Variants in SMYD3 observed in about 807,000 individuals in gnomAD.
The protein encoded by SMYD3 is SET and MYND domain containing 3.
SMYD3 carries 36 observed loss-of-function variants against 57.7 expected under a neutral mutation model. The observed-to-expected ratio is 0.62, with a 90% confidence interval of 0.48 to 0.82. The LOEUF is 0.82. SMYD3 is among the 40% of genes least tolerant of loss of function. The pLI is 0.00. For synonymous variants in SMYD3, 211 were observed against 195.0 expected (o/e 1.08, Z -0.68); for missense variants, 515 against 538.8 (o/e 0.96, Z 0.44).
intron 10 of SMYD3, among the ~76,000 whole-genome samples, chr1:245,772,190 TGTGA>T (rs1192031656): frequency 6.6e-6 from 1 of 152,240 alleles, no homozygotes; most frequent in Non-Finnish European, 1.5e-5. Context: ...CCCATCTCTA[TGTGA>T]GTAACAGAAA....
chr1:245,850,806 C>T (rs1486220080), intron 10 of SMYD3, among the ~76,000 whole-genome samples: 1 of 152,214 alleles, frequency 6.6e-6, no homozygotes, highest in South Asian at 2.1e-4. Context: ...GGACTGCTGG[C>T]TTCTGGGAGA....
chr1:246,272,099 T>A lies in SMYD3; in HGVS notation c.531+55102A>T, dbSNP rs1242070007. Among the ~76,000 whole-genome samples the A allele has an allele frequency of 2.0e-5, 3 of 152,230 alleles. No homozygotes were observed. In the South Asian group the frequency reaches 6.2e-4, roughly 32 times the overall value. On this transcript the variant is annotated intron_variant, in intron 5 of 11. Coordinates refer to ENST00000490107, the MANE Select transcript of SMYD3 (RefSeq NM_001167740.2). ...AGATTGTTCACTGTTTGTTTGTGTA[T>A]AAAAATGCAACGGATTTTTGTGTAT...
chr1:246,265,693 C>T (rs1335445196), intron 5 of SMYD3, among the ~76,000 whole-genome samples: 1 of 148,052 alleles, frequency 6.8e-6, no homozygotes, highest in African/African-American at 2.5e-5. Context: ...TTGTGGGATC[C>T]AGTGACCATC....
At chr1:246,088,060 C>G (rs371418707) in intron 5 of SMYD3, among the ~76,000 whole-genome samples, 1 of 152,104 alleles carries the variant, frequency 6.6e-6, no homozygotes. Context: ...CTCTGTGAGC[C>G]CCTTTGACTC....
At chr1:245,863,710 A>G in intron 9 of SMYD3, 89 bp downstream of exon 9, 1 of 1,232,336 alleles carries the variant, frequency 8.1e-7, no homozygotes, top group Admixed American at 1.9e-5. Flanking sequence ...GAGAGGTCAA[A>G]CCCCGCCTCT....
chr1:245,995,413 C>T (rs2058907957), intron 5 of SMYD3, among the ~76,000 whole-genome samples: 2 of 152,314 alleles, frequency 1.3e-5, no homozygotes, highest in Admixed American at 1.3e-4. Context: ...AAATGGAGAA[C>T]AGTAACAAAT....
intron 8 of SMYD3, among the ~76,000 whole-genome samples, chr1:245,902,200 A>C (rs898949111): frequency 5.9e-5 from 9 of 152,310 alleles, no homozygotes; most frequent in African/African-American, 1.9e-4. Flanking sequence ...ACTCTAGCCC[A>C]CACTGTGTCC....
At position 245,946,875 on chromosome 1, in the gene SMYD3, A is replaced by C. The variant is rs913423342; in HGVS notation, c.532-16938T>G. ...TGTAAAAAACTCCCCATTTCTCTCT[A>C]ATTTTGACAAATTTTAGCCTTCCTC... is the stretch of plus-strand genomic sequence containing the variant. On this transcript the variant is annotated intron_variant, in intron 5 of 11. Transcript: ENST00000490107. Among the ~76,000 whole-genome samples, 4 of 152,164 alleles carry C rather than the reference A, an allele frequency of 2.6e-5. No homozygotes were observed. In the East Asian group the frequency reaches 7.7e-4, roughly 29 times the overall value.
At chr1:246,262,363 C>T (rs1205823774) in intron 5 of SMYD3, among the ~76,000 whole-genome samples, 4 of 152,148 alleles carry the variant, frequency 2.6e-5, no homozygotes, top group African/African-American at 4.8e-5. Context: ...ACTTATTTTT[C>T]GCACTATGAC....
At chr1:246,302,715 C>T (rs1033486407) in intron 5 of SMYD3, among the ~76,000 whole-genome samples, 2 of 152,128 alleles carry the variant, frequency 1.3e-5, no homozygotes, top group African/African-American at 2.4e-5. Flanking sequence ...GATGTGGAAA[C>T]TGACCCAATA....
chr1:245,956,509 A>T (rs947963411), intron 5 of SMYD3, among the ~76,000 whole-genome samples: 3 of 152,210 alleles, frequency 2.0e-5, no homozygotes, highest in Non-Finnish European at 2.9e-5. Context: ...CAGGCAGAGC[A>T]TTATTTTTTA....
intron 10 of SMYD3, among the ~76,000 whole-genome samples, chr1:245,801,705 T>C (rs929913761): frequency 7.4e-6 from 1 of 134,580 alleles, no homozygotes; most frequent in Admixed American, 8.1e-5. Flanking sequence ...ACACAAAGAA[T>C]AGCAGAATCA....
In SMYD3 at chr1:246,383,145, G is replaced by A. The variant is rs575426702; in HGVS notation, c.165-28051C>T. On this transcript the variant is annotated intron_variant, in intron 1 of 11. Transcript: ENST00000490107. ...AAGGCTAGCCTGCCCAAGAACTTGA[G>A]GTAGCCCTCCTTCCCTCAGGAGGCG... Among the ~76,000 whole-genome samples the A allele has an allele frequency of 3.9e-5, 6 of 152,354 alleles. 1 individual carries two copies. The highest frequency in any genetic ancestry group is 1.2e-4 in the African/African-American group (5 of 41,584).
chr1:245,794,689 T>C (rs367831371), intron 10 of SMYD3, among the ~76,000 whole-genome samples: 4 of 152,230 alleles, frequency 2.6e-5, no homozygotes, highest in Admixed American at 2.6e-4. Context: ...CAGCTGCTTT[T>C]GCATAATTTT....
chr1:245,883,579 T>C (rs2052912868), intron 8 of SMYD3, among the ~76,000 whole-genome samples: 1 of 152,194 alleles, frequency 6.6e-6, no homozygotes, highest in African/African-American at 2.4e-5. Context: ...TTCTTTCTTT[T>C]GGGGTCCCAA....
intron 5 of SMYD3, among the ~76,000 whole-genome samples, chr1:246,070,164 C>A (rs866043639): frequency 2.6e-5 from 4 of 152,156 alleles, no homozygotes; most frequent in African/African-American, 9.7e-5. Flanking sequence ...TGGGAACTGG[C>A]AATTTCTAAA....
intron 2 of SMYD3, among the ~76,000 whole-genome samples, chr1:246,351,810 T>C (rs1283414859): frequency 6.6e-6 from 1 of 152,116 alleles, no homozygotes; most frequent in African/African-American, 2.4e-5. Flanking sequence ...GTTTTTATAA[T>C]AAAAACATAT....
chr1:245,951,152 C>A (rs963573904), intron 5 of SMYD3, among the ~76,000 whole-genome samples: 4 of 152,068 alleles, frequency 2.6e-5, no homozygotes, highest in African/African-American at 9.7e-5. Context: ...ACTCTTATTA[C>A]CTGCAAACCA....
At chr1:246,235,606 C>A (rs749588892) in intron 5 of SMYD3, among the ~76,000 whole-genome samples, 8 of 152,188 alleles carry the variant, frequency 5.3e-5, no homozygotes, top group Non-Finnish European at 1.0e-4. Context: ...GTATCAGACT[C>A]ACAGTAGTAC....
Sources: gnomAD v4.1 joint callset for allele counts (sites outside exome capture counted in the v4.1 genomes callset) on GRCh38, gnomAD v4.1.1 for gene constraint, MANE v1.5 for transcripts, NCBI Gene and HGNC (gene_info 2026-07-23, HGNC 2026-07-21) for gene names.